The following NFE2L2 variants were observed in gnomAD, a reference collection of about 807,000 sequenced individuals.
NFE2L2 encodes NFE2 like bZIP transcription factor 2.
In NFE2L2, 20 loss-of-function variants were observed where a neutral mutation model predicts 49.6. The observed-to-expected ratio is 0.40, with a 90% CI of 0.28 to 0.59. The LOEUF (loss-of-function observed/expected upper bound fraction) is 0.59. Ranked by LOEUF, NFE2L2 falls within the 20% of genes least tolerant of loss-of-function variation. The pLI, the probability that NFE2L2 is intolerant of heterozygous loss-of-function variation, is 0.40. For synonymous variants in NFE2L2, 244 were observed against 256.5 expected, an observed-to-expected ratio of 0.95 and a Z score of 0.47; for missense variants, 578 against 714.2, an observed-to-expected ratio of 0.81 and a Z score of 2.17.
chr2:177,233,474 C>T, intron 2 of NFE2L2, 135 bp from the exon 3 acceptor site: 1 of 720,138 alleles, frequency 1.4e-6, no homozygotes, highest in Non-Finnish European at 2.2e-6. Context: ...TCAGAGATCA[C>T]TTTGATGCAC....
At chr2:177,232,651 A>C in intron 3 of NFE2L2, 68 bp from the exon 4 acceptor site, 1 of 1,476,158 alleles carries the variant, frequency 6.8e-7, no homozygotes, top group South Asian at 1.2e-5. Flanking sequence ...CTAAGGCACC[A>C]CTACAAAACA....
At chr2:177,262,144 C>T (rs1690766366) in intron 1 of NFE2L2, among the ~76,000 whole-genome samples, 1 of 152,188 alleles carries the variant, frequency 6.6e-6, no homozygotes, top group African/African-American at 2.4e-5. Context: ...ATGCTGCTTC[C>T]ACAACCTCTC....
chr2:177,258,472 T>C (rs1225164312), intron 1 of NFE2L2, among the ~76,000 whole-genome samples: 1 of 152,174 alleles, frequency 6.6e-6, no homozygotes, highest in African/African-American at 2.4e-5. Context: ...TGACTGCTAA[T>C]GGATATGGGG....
At chr2:177,247,430 G>A (rs1166418759) in intron 1 of NFE2L2, among the ~76,000 whole-genome samples, 1 of 152,114 alleles carries the variant, frequency 6.6e-6, no homozygotes, top group African/African-American at 2.4e-5. Context: ...GGGAGGCCGA[G>A]GCAGGTGGAT....
intron 1 of NFE2L2, 119 bp downstream of exon 1, chr2:177,264,413 C>G: frequency 9.0e-7 from 1 of 1,109,764 alleles, no homozygotes; most frequent in Non-Finnish European, 1.2e-6. Context: ...GCGCCGCGGT[C>G]CTGGCTCTGG....
At chr2:177,243,366 G>A (rs1026781417) in intron 1 of NFE2L2, among the ~76,000 whole-genome samples, 5 of 152,304 alleles carry the variant, frequency 3.3e-5, no homozygotes, top group African/African-American at 1.2e-4. Context: ...CCCCATGAGG[G>A]TGGGCACACA....
intron 1 of NFE2L2, chr2:177,263,489 G>A: frequency 1.0e-6 from 1 of 985,554 alleles, no homozygotes; most frequent in Non-Finnish European, 1.2e-6. Context: ...AAGCCGCTCT[G>A]GGGAAAATAG....
intron 2 of NFE2L2, chr2:177,233,671 A>AC: frequency 2.0e-6 from 1 of 505,510 alleles, no homozygotes; most frequent in Non-Finnish European, 3.5e-6. Context: ...TGCTTGCCAC[A>AC]CACAGTAACG....
At chr2:177,232,033 A>G (rs1558979583) in intron 4 of NFE2L2, 25 bp from the exon 5 acceptor site, 1 of 1,544,942 alleles carries the variant, frequency 6.5e-7, no homozygotes, top group East Asian at 2.3e-5. Context: ...AGTTTATACT[A>G]TATAAATCAA....
chr2:177,231,595 T>C lies in NFE2L2; in HGVS notation c.1008A>G (p.Thr336=). Residue 336 remains threonine, a synonymous_variant, in exon 5 of 5, where the codon ACA becomes ACG. Coordinates refer to ENST00000397062, the MANE Select transcript of NFE2L2 (RefSeq NM_006164.5). ...CGGAGTCAGAATCATTGAATTCTGC[T>C]GTGCTTTCAGGGTGGTTTTGGTTGA... ...KAFNQNHPES[T]AEFNDSDSGI... is the part of the protein sequence containing the mutation. The C allele has an allele frequency of 6.2e-7, 1 of 1,614,236 alleles. No individual in the cohort carries two copies. The highest frequency in any genetic ancestry group is 8.5e-7 in the Non-Finnish European group (1 of 1,180,030).
At chr2:177,235,419 A>G (rs1689712822) in intron 1 of NFE2L2, among the ~76,000 whole-genome samples, 1 of 152,198 alleles carries the variant, frequency 6.6e-6, no homozygotes, top group South Asian at 2.1e-4. Context: ...CCCGGGCAAC[A>G]AAGTGAGACC....
chr2:177,257,825 T>C (rs745381933), intron 1 of NFE2L2, among the ~76,000 whole-genome samples: 1 of 152,210 alleles, frequency 6.6e-6, no homozygotes, highest in African/African-American at 2.4e-5. Context: ...GGGATGTAGG[T>C]TGCCAGCTCC....
intron 1 of NFE2L2, among the ~76,000 whole-genome samples, chr2:177,237,550 G>A (rs527668165): frequency 5.3e-5 from 8 of 151,980 alleles, no homozygotes; most frequent in African/African-American, 1.5e-4. Context: ...ACGGAGTCTC[G>A]CTCTGTCGCC....
chr2:177,234,799 G>T (rs1282401809), intron 1 of NFE2L2, among the ~76,000 whole-genome samples: 2 of 152,080 alleles, frequency 1.3e-5, no homozygotes, highest in Non-Finnish European at 2.9e-5. Context: ...TCCTACACTA[G>T]ATTATCTTCT....
At chr2:177,262,023 C>T (rs767066495) in intron 1 of NFE2L2, among the ~76,000 whole-genome samples, 126 of 152,052 alleles carry the variant, frequency 8.3e-4, no homozygotes, top group Non-Finnish European at 1.4e-3. Context: ...AGTCAGTTTT[C>T]CCCCCAACAT....
At chr2:177,239,903 A>G (rs1460384494) in intron 1 of NFE2L2, among the ~76,000 whole-genome samples, 2 of 151,948 alleles carry the variant, frequency 1.3e-5, no homozygotes, top group Non-Finnish European at 2.9e-5. Flanking sequence ...AGCAGGCAAA[A>G]TCCTGCAGAG....
At chr2:177,232,248 A>G (rs1689579953) in intron 4 of NFE2L2, 144 bp downstream of exon 4, 11 of 950,834 alleles carry the variant, frequency 1.2e-5, no homozygotes, top group Non-Finnish European at 1.7e-5. Context: ...TGTCCAACCA[A>G]TTTAACTAGC....
At chr2:177,233,086 C>A in intron 3 of NFE2L2, 164 bp downstream of exon 3, 1 of 610,954 alleles carries the variant, frequency 1.6e-6, no homozygotes, top group Non-Finnish European at 2.8e-6. Context: ...TATTTATAGG[C>A]TAAGGTTTCC....
chr2:177,264,490 C>G (rs1263965480), intron 1 of NFE2L2, 42 bp downstream of exon 1: 4 of 1,514,532 alleles, frequency 2.6e-6, no homozygotes, highest in African/African-American at 2.9e-5. Flanking sequence ...CCCCCGCCCC[C>G]GTCCCGGCAC....
Sources: gnomAD v4.1 joint callset for allele counts (sites outside exome capture counted in the v4.1 genomes callset) on GRCh38, gnomAD v4.1.1 for gene constraint, MANE v1.5 for transcripts, NCBI Gene and HGNC (gene_info 2026-07-23, HGNC 2026-07-21) for gene names.